STRN: variants seen among roughly 807,000 people sequenced by gnomAD.
STRN encodes the protein striatin.
Under a neutral mutation model 96.3 loss-of-function variants are expected in STRN, and 53 were observed. That is an observed-to-expected ratio of 0.55 (90% confidence interval 0.44 to 0.69). The LOEUF (loss-of-function observed/expected upper bound fraction) is 0.69, where lower values mean the gene tolerates loss of function less well. STRN is among the 30% of genes least tolerant of loss of function. The probability of loss-of-function intolerance (pLI) is 0.00; values close to 1 mark genes in which losing one functional copy is unlikely to be tolerated. For missense variants in STRN, 987 were observed against 963.9 expected (o/e 1.02, Z -0.32); for synonymous variants, 428 against 355.9 (o/e 1.20, Z -2.28).
At chr2:36,858,795 T>C (rs1668411269) in intron 13 of STRN, among the ~76,000 whole-genome samples, 1 of 152,224 alleles carries the variant, frequency 6.6e-6, no homozygotes. Flanking sequence ...TCAGGCACTA[T>C]GCTCAATGAT....
Position 36,899,632 on chromosome 2 carries a change from G to T in STRN, c.686C>A (p.Ser229Tyr), listed in dbSNP as rs868383976. The change falls in exon 6 of 18, where the codon TCC becomes TAC. Residue 229 changes from serine to tyrosine, a missense_variant. Coordinates refer to ENST00000263918, the MANE Select transcript of STRN (RefSeq NM_003162.4). ...IAKSELTDSA[S>Y]VLDNFKFLES... ...AAGGAATTTGAAATTATCCAGCACG[G>T]AGGCAGAATCTGTTAACTCAGATTT... 1 of 1,611,852 alleles carries T rather than the reference G, an allele frequency of 6.2e-7. No homozygotes were observed. The highest frequency in any genetic ancestry group is 8.5e-7 in the Non-Finnish European group (1 of 1,179,086).
At chr2:36,887,062 C>T (rs927902183) in intron 7 of STRN, among the ~76,000 whole-genome samples, 7 of 150,564 alleles carry the variant, frequency 4.6e-5, no homozygotes, top group Non-Finnish European at 7.4e-5. Context: ...CACACACACA[C>T]ACACACACAC....
intron 14 of STRN, 69 bp downstream of exon 14, chr2:36,857,787 C>A: frequency 7.6e-7 from 1 of 1,309,342 alleles, no homozygotes; most frequent in Non-Finnish European, 1.0e-6. Flanking sequence ...AATCATTTAT[C>A]TGCTTGCTTA....
chr2:36,944,747 A>C (rs1670936595), intron 1 of STRN, among the ~76,000 whole-genome samples: 1 of 152,240 alleles, frequency 6.6e-6, no homozygotes, highest in African/African-American at 2.4e-5. Flanking sequence ...TGGAATACAA[A>C]GGATAGAAGC....
rs370687017 is a variant in STRN, at chr2:36,845,752, A to C, written c.*3704T>G. The C allele has an allele frequency of 6.6e-6, 1 of 152,238 alleles. No individual in the cohort carries two copies. 9.4% of individuals were successfully genotyped at this position (152,238 alleles called of 1,614,324 possible). On this transcript the variant is annotated 3_prime_UTR_variant, in exon 18 of 18. Coordinates refer to ENST00000263918, the MANE Select transcript of STRN (RefSeq NM_003162.4). The stretch of plus-strand genomic sequence containing the variant: ...TGAAATTTCTAGGAATTCACATTCA[A>C]AATTCTTGGAAAGTATATATGGTGC...
intron 1 of STRN, among the ~76,000 whole-genome samples, chr2:36,932,003 T>C (rs1670587344): frequency 6.6e-6 from 1 of 152,096 alleles, no homozygotes; most frequent in Non-Finnish European, 1.5e-5. Context: ...ATCTTTTTGG[T>C]AGAGACAGGG....
chr2:36,896,017 T>C (rs1330350135), intron 6 of STRN, among the ~76,000 whole-genome samples: 1 of 152,160 alleles, frequency 6.6e-6, no homozygotes, highest in Non-Finnish European at 1.5e-5. Flanking sequence ...TTGCCTAATC[T>C]ACCTTCTTTT....
rs746276904 is a variant in STRN at position 36,855,242 on chromosome 2, T to C, written c.1948A>G (p.Ile650Val). 3 of 1,613,718 alleles carry C rather than the reference T, an allele frequency of 1.9e-6. No individual in the cohort carries two copies. Among genetic ancestry groups the C allele is most frequent in the African/African-American group, 2.7e-5 (2 of 74,906 alleles). Residue 650 changes from isoleucine (I) to valine (V), a missense_variant, in exon 15 of 18, where the codon ATT becomes GTT. Physicochemically the swap from Ile to Val is conservative, Grantham distance 29. Transcript: ENST00000263918. ...TCTACATTGGATTCTAAAGTGAGAA[T>C]GCGTTGTTGTGTTTCCATGTTAAAA... ...SIFNMETQQRILTLESNVDTT... is the reference protein window; with the variant it reads ...SIFNMETQQRVLTLESNVDTT...
chr2:36,949,318 G>T (rs1054713183), intron 1 of STRN, among the ~76,000 whole-genome samples: 1 of 152,208 alleles, frequency 6.6e-6, no homozygotes, highest in Non-Finnish European at 1.5e-5. Context: ...TATCCCTGTT[G>T]TTAAGTAATT....
chr2:36,946,363 A>T (rs1464666065), intron 1 of STRN, among the ~76,000 whole-genome samples: 1 of 152,238 alleles, frequency 6.6e-6, no homozygotes, highest in Admixed American at 6.5e-5. Flanking sequence ...TGTGTTGGAA[A>T]TAACCAGTTA....
chr2:36,919,425 A>G (rs1346258944), intron 2 of STRN, among the ~76,000 whole-genome samples: 2 of 152,176 alleles, frequency 1.3e-5, no homozygotes, highest in African/African-American at 4.8e-5. Context: ...GAGTTTTCCA[A>G]TCAAAATGGA....
intron 9 of STRN, among the ~76,000 whole-genome samples, chr2:36,879,858 G>A (rs570902621): frequency 5.3e-5 from 8 of 152,204 alleles, no homozygotes; most frequent in Admixed American, 2.6e-4. Context: ...GGCCAGGCTC[G>A]GAGGCTCATG....
At chr2:36,851,732 A>C (rs1668227417) in intron 15 of STRN, among the ~76,000 whole-genome samples, 1 of 152,228 alleles carries the variant, frequency 6.6e-6, no homozygotes, top group Non-Finnish European at 1.5e-5. Context: ...AGTAAGTTCT[A>C]TCATCACTTA....
chr2:36,886,888 G>C, intron 7 of STRN, 62 bp from the exon 8 acceptor site: 1 of 1,336,404 alleles, frequency 7.5e-7, no homozygotes, highest in Non-Finnish European at 1.0e-6. Flanking sequence ...CTCTGAGTCA[G>C]TATGTCTGAA....
chr2:36,961,486 C>G (rs1427456231), intron 1 of STRN, among the ~76,000 whole-genome samples: 1 of 152,072 alleles, frequency 6.6e-6, no homozygotes, highest in Non-Finnish European at 1.5e-5. Context: ...ACATTCTATC[C>G]TTTAGCACAT....
chr2:36,921,286 C>T (rs1221886708), intron 2 of STRN, among the ~76,000 whole-genome samples: 1 of 152,040 alleles, frequency 6.6e-6, no homozygotes, highest in African/African-American at 2.4e-5. Flanking sequence ...AGTTATTGAA[C>T]TCCCTCCTTT....
At chr2:36,881,919 T>G (rs919584732) in intron 9 of STRN, among the ~76,000 whole-genome samples, 5 of 152,224 alleles carry the variant, frequency 3.3e-5, no homozygotes, top group African/African-American at 1.2e-4. Context: ...ACCTATAATG[T>G]CAACAGAATG....
chr2:36,889,925 A>T (rs1024262136), intron 7 of STRN, among the ~76,000 whole-genome samples: 4 of 152,200 alleles, frequency 2.6e-5, no homozygotes, highest in Non-Finnish European at 2.9e-5. Context: ...GCTAGGTAAA[A>T]TGTACACACA....
At chr2:36,916,510 AG>A (rs1670104073) in intron 2 of STRN, among the ~76,000 whole-genome samples, 1 of 151,774 alleles carries the variant, frequency 6.6e-6, no homozygotes, top group Non-Finnish European at 1.5e-5. Context: ...AAAAAAAAAA[AG>A]GTTTGGATTG....
Sources: allele counts gnomAD v4.1 joint callset (sites outside exome capture counted in the v4.1 genomes callset), GRCh38; gene constraint gnomAD v4.1.1; transcripts MANE v1.5; gene names NCBI Gene and HGNC (gene_info 2026-07-23, HGNC 2026-07-21).